PC: variants seen among roughly 807,000 people sequenced by gnomAD.
PC encodes the protein pyruvate carboxylase, mitochondrial.
Under a neutral mutation model 107.8 loss-of-function variants are expected in PC, and 46 were observed. That is an observed-to-expected ratio of 0.43 (90% CI 0.34 to 0.55). PC has a LOEUF of 0.55. PC is among the 20% of genes least tolerant of loss of function. The pLI is 0.04. For missense variants in PC, 1,241 were observed against 1,643.1 expected (o/e 0.76, Z 4.23); for synonymous variants, 662 against 684.7 (o/e 0.97, Z 0.52).
chr11:66,949,338 A>T (rs1442519070), intron 3 of PC, among the ~76,000 whole-genome samples: 2 of 152,108 alleles, frequency 1.3e-5, no homozygotes, highest in Non-Finnish European at 2.9e-5. Context: ...AATATGATTT[A>T]TAAGTTCAAT....
In PC at chr11:66,870,437, G is replaced by A. The variant is rs2135935982; in HGVS notation, c.768C>T (p.Asn256=). 1 of 1,613,590 alleles carries A rather than the reference G, an allele frequency of 6.2e-7. No individual in the cohort carries two copies. The highest frequency in any genetic ancestry group is 8.5e-7 in the Non-Finnish European group (1 of 1,180,006). The change falls in exon 9 of 23, where the codon AAC becomes AAT. Residue 256 remains asparagine (N), a synonymous_variant. Transcript: ENST00000393960. The surrounding 1 kb of genome is among the most constrained non-coding windows in gnomAD (Gnocchi z 6.1). ...AGTCTCGCTCGTACAGGTGCAGGAT[G>A]TTCCCATACTGGTCCCCTGGGGAGG... ...EVQILGDQYG[N]ILHLYERDCS...
Position 66,849,676 on chromosome 11 carries a change from C to G in PC, c.3082G>C (p.Gly1028Arg). 6.2e-7 allele frequency: 1 copy of G among 1,614,176 alleles called. No homozygotes were observed. Among genetic ancestry groups the G allele is most frequent in the Non-Finnish European group, 8.5e-7 (1 of 1,180,028 alleles). The change falls in exon 21 of 23, where the codon GGC becomes CGC. Residue 1028 changes from glycine to arginine, a missense_variant. By Grantham distance (125) the Gly-to-Arg change is moderately radical (BLOSUM62 -2). Around this residue, in one of 2 missense-constraint regions of PC, gnomAD observed 1,143 missense variants for 1,551.9 expected, o/e 0.74. Transcript: ENST00000393960. ...CGAGTATTCAGGCTATCCAGGGGGC[C>G]AAAGGTGGCAGTGAAGTCCTTGAAG... ...AHFKDFTATF[G>R]PLDSLNTRLF... is the part of the protein sequence containing the mutation.
intron 3 of PC, among the ~76,000 whole-genome samples, chr11:66,937,771 G>GGT (rs1949034052): frequency 2.7e-5 from 4 of 146,748 alleles, no homozygotes; most frequent in African/African-American, 7.8e-5. Flanking sequence ...GAATTTCTGG[G>GGT]TTTTTTTTGT....
chr11:66,881,274 C>T (rs1014831251), intron 3 of PC, among the ~76,000 whole-genome samples: 2 of 152,208 alleles, frequency 1.3e-5, no homozygotes, highest in Admixed American at 1.3e-4. Flanking sequence ...TTCTTGGCCT[C>T]GGGTTGTGCA....
Position 66,858,826 on chromosome 11 carries a change from C to T in PC, c.1368+4948G>A. Reference sequence around the variant, plus strand: ...GCCACCAACCCTGCTGGTGAGGCCACAGCCCGAGTAGAACTGCGGGTGCTG... The same window carrying T: ...GCCACCAACCCTGCTGGTGAGGCCATAGCCCGAGTAGAACTGCGGGTGCTG... On this transcript the variant is annotated intron_variant, in intron 12 of 22. Transcript: ENST00000393960. The surrounding 1 kb of genome is among the most constrained non-coding windows in gnomAD (Gnocchi z 5.9). 6.4e-7 allele frequency: 1 copy of T among 1,550,818 alleles called. No individual in the cohort carries two copies.
At chr11:66,935,765 C>T (rs752833019) in intron 3 of PC, among the ~76,000 whole-genome samples, 17 of 152,162 alleles carry the variant, frequency 1.1e-4, no homozygotes, top group Admixed American at 3.9e-4. Context: ...AAAACCACAA[C>T]CATAACCAGT....
Position 66,852,767 on chromosome 11 carries a change from AC to A in PC, c.1582del (p.Val528LeufsTer7). 1 of 1,605,272 alleles carries A rather than the reference AC, an allele frequency of 6.2e-7. No individual in the cohort carries two copies. Among genetic ancestry groups the A allele is most frequent in the Non-Finnish European group, 8.5e-7 (1 of 1,173,508 alleles). On this transcript the variant is annotated frameshift_variant, in exon 14 of 23. Coordinates refer to ENST00000393960, the MANE Select transcript of PC (RefSeq NM_001040716.2). LOFTEE classifies it high-confidence loss of function. This position sits in a 1 kb window ranked among gnomAD's most constrained non-coding sequence, Gnocchi z 4.7. ...CCTACCTATGGGCACTGCAGGGACAACGGGGTCCGTGGGGCTGGGGCTGGCC... is the reference window on the plus strand; with the variant it reads ...CCTACCTATGGGCACTGCAGGGACAAGGGGTCCGTGGGGCTGGGGCTGGCC... ...VKASPSPTDP[V>X]VPAVPIGPPP...
intron 17 of PC, 49 bp from the exon 18 acceptor site, chr11:66,850,972 T>A (rs763604437): frequency 3.7e-6 from 6 of 1,608,186 alleles, no homozygotes; most frequent in Admixed American, 1.7e-5. Flanking sequence ...GAGGGCAGGA[T>A]GTGTGCCTGT....
intron 3 of PC, among the ~76,000 whole-genome samples, chr11:66,940,029 C>A (rs1285284293): frequency 6.6e-6 from 1 of 151,612 alleles, no homozygotes; most frequent in Non-Finnish European, 1.5e-5. Flanking sequence ...CAGGCACAGG[C>A]AACAAAAAGC....
At chr11:66,890,752 A>C (rs957889739) in intron 3 of PC, among the ~76,000 whole-genome samples, 3 of 151,448 alleles carry the variant, frequency 2.0e-5, no homozygotes, top group African/African-American at 7.3e-5. Context: ...CGATCCACCC[A>C]CCTCAGCCTC....
At chr11:66,863,555 C>G (rs535547339) in intron 12 of PC, among the ~76,000 whole-genome samples, 8 of 152,308 alleles carry the variant, frequency 5.3e-5, no homozygotes, top group African/African-American at 7.2e-5. Context: ...CAGGCCACTG[C>G]CAGGGACTCT....
chr11:66,857,034 T>G lies in PC; in HGVS notation c.1369-3651A>C, dbSNP rs1945889467. ...CCCGCGCGCCCCTCCCCGTCCGCCCTCCACGTGCGTGTCCGCGGCGCGCGC... is the reference window on the plus strand; with the variant it reads ...CCCGCGCGCCCCTCCCCGTCCGCCCGCCACGTGCGTGTCCGCGGCGCGCGC... On this transcript the variant is annotated intron_variant, in intron 12 of 22. Coordinates refer to ENST00000393960, the MANE Select transcript of PC (RefSeq NM_001040716.2). The surrounding 1 kb of genome is among the most constrained non-coding windows in gnomAD (Gnocchi z 7.1). 6.9e-6 allele frequency: 1 copy of G among 145,646 alleles called. No individual in the cohort carries two copies. Among genetic ancestry groups the G allele is most frequent in the African/African-American group, 2.5e-5 (1 of 40,356 alleles). The allele number at this position is 145,646 out of a possible 1,614,324, so 9.0% of individuals were successfully genotyped here.
intron 3 of PC, among the ~76,000 whole-genome samples, chr11:66,896,922 TTTTG>T (rs142954680): frequency 5.9e-5 from 9 of 152,056 alleles, no homozygotes; most frequent in Non-Finnish European, 7.4e-5. Context: ...TCCTTTTGTT[TTTTG>T]TTTGTTTGTT....
chr11:66,852,290 C>T lies in PC; in HGVS notation c.1825+149G>A, dbSNP rs1174984344. On this transcript the variant is annotated intron_variant, in intron 15 of 22. Transcript: ENST00000393960. The surrounding 1 kb of genome is among the most constrained non-coding windows in gnomAD (Gnocchi z 4.7). ...ACCTCGTGCCGGCACCAGGCCTGGC[C>T]GGAGAGGGCGCTGTGCCTTCTTCGG... The T allele has an allele frequency of 3.6e-5, 27 of 759,610 alleles. No individual in the cohort carries two copies. Among genetic ancestry groups the T allele is most frequent in the East Asian group, 5.3e-5 (2 of 37,486 alleles). 47.1% of individuals were successfully genotyped at this position (759,610 alleles called of 1,614,324 possible).
intron 3 of PC, among the ~76,000 whole-genome samples, chr11:66,891,052 GTTTT>G (rs1010973225): frequency 6.6e-6 from 1 of 150,980 alleles, no homozygotes; most frequent in Non-Finnish European, 1.5e-5. Context: ...TAGGCATGGG[GTTTT>G]TTTTTGTTTT....
intron 10 of PC, among the ~76,000 whole-genome samples, chr11:66,867,039 A>G (rs1387961392): frequency 6.6e-6 from 1 of 152,180 alleles, no homozygotes; most frequent in Non-Finnish European, 1.5e-5. Flanking sequence ...TACTGCTCCT[A>G]AGGGCAGTCA....
intron 11 of PC, among the ~76,000 whole-genome samples, chr11:66,865,511 C>T (rs151028905): frequency 4.5e-4 from 68 of 152,282 alleles, no homozygotes; most frequent in Admixed American, 1.3e-3. Context: ...AGATGGGTTT[C>T]GGAGGCCAAT....
intron 1 of PC, chr11:66,958,056 C>T (rs1403118900): frequency 1.3e-5 from 2 of 150,162 alleles, no homozygotes; most frequent in Non-Finnish European, 1.5e-5. Flanking sequence ...TGCGGAGGGG[C>T]GCTCGGGGGC....
chr11:66,919,118 T>C (rs1359797133), intron 3 of PC, among the ~76,000 whole-genome samples: 1 of 152,118 alleles, frequency 6.6e-6, no homozygotes, highest in African/African-American at 2.4e-5. Context: ...CTTTCTATTT[T>C]CAAATTCTCT....
Sources: allele counts gnomAD v4.1 joint callset (sites outside exome capture counted in the v4.1 genomes callset), GRCh38; gene constraint gnomAD v4.1.1; regional missense constraint gnomAD v4.1.1; non-coding constraint Gnocchi (gnomAD v3.1); transcripts MANE v1.5; gene names NCBI Gene and HGNC (gene_info 2026-07-23, HGNC 2026-07-21).